The following OSBP2 variants were observed in gnomAD, a reference collection of about 807,000 sequenced individuals.
OSBP2 encodes the protein oxysterol-binding protein 2.
In OSBP2, 66 loss-of-function variants were observed where a neutral mutation model predicts 96.0. The observed-to-expected ratio is 0.69, with a 90% confidence interval of 0.56 to 0.84. The LOEUF is 0.84. Ranked by LOEUF, OSBP2 falls within the 40% of genes least tolerant of loss-of-function variation. The pLI, the probability that OSBP2 is intolerant of heterozygous loss-of-function variation, is 0.00. For synonymous variants in OSBP2, 525 were observed against 520.9 expected (o/e 1.01, Z -0.11); for missense variants, 1,038 against 1,222.7 (o/e 0.85, Z 2.25).
intron 3 of OSBP2, among the ~76,000 whole-genome samples, chr22:30,879,496 G>A (rs1263732559): frequency 1.3e-5 from 2 of 152,246 alleles, no homozygotes; most frequent in African/African-American, 2.4e-5. Context: ...GGGAAGGGCT[G>A]AAACCCCTGT....
intron 1 of OSBP2, among the ~76,000 whole-genome samples, chr22:30,710,797 G>C (rs1329240324): frequency 6.6e-6 from 1 of 152,154 alleles, no homozygotes; most frequent in South Asian, 2.1e-4. Flanking sequence ...TTTTAGTAGA[G>C]ATGGGGTTTC....
Position 30,751,343 on chromosome 22 carries a change from G to GTA in OSBP2, c.853+9986_853+9987dup, listed in dbSNP as rs200228084. On this transcript the variant is annotated intron_variant, in intron 2 of 13. Transcript: ENST00000332585. ...GTTGTGTGTGTGTGTATATATATAT[G>GTA]TATATATATATATTTTTTTCTTTTT... 1.9e-4 allele frequency among the ~76,000 whole-genome samples: 29 copies of GTA among 150,946 alleles called. No individual in the cohort carries two copies. The East Asian group carries it at 4.1e-3, about 21-fold the overall frequency.
intron 1 of OSBP2, among the ~76,000 whole-genome samples, chr22:30,723,475 G>A (rs1033162192): frequency 4.0e-5 from 6 of 149,990 alleles, no homozygotes; most frequent in Non-Finnish European, 7.4e-5. Context: ...GTGCAGTGGC[G>A]TGATCTCGGC....
At chr22:30,858,879 C>CAATAATAATAAT (rs137975802) in intron 2 of OSBP2, among the ~76,000 whole-genome samples, 2,857 of 141,398 alleles carry the variant, frequency 0.02, 84 homozygotes, top group African/African-American at 0.061. Context: ...GACTCTGTCT[C>CAATAATAATAAT]AATAATAATA....
At chr22:30,826,791 G>T (rs1000412029) in intron 2 of OSBP2, among the ~76,000 whole-genome samples, 2 of 152,186 alleles carry the variant, frequency 1.3e-5, no homozygotes, top group Admixed American at 1.3e-4. Context: ...TTTTCTCTCT[G>T]GTTGGGGGCC....
chr22:30,818,902 G>A (rs549187989), intron 2 of OSBP2, among the ~76,000 whole-genome samples: 30 of 152,346 alleles, frequency 2.0e-4, no homozygotes, highest in Non-Finnish European at 3.7e-4. Context: ...TAGGAGTTTG[G>A]AGGGTTGCAG....
At chr22:30,698,437 C>G (rs1007838143) in intron 1 of OSBP2, among the ~76,000 whole-genome samples, 1 of 149,278 alleles carries the variant, frequency 6.7e-6, no homozygotes, top group Admixed American at 6.7e-5. Context: ...TTTAATTTTT[C>G]TTTTTCTTTT....
chr22:30,889,264 G>A, intron 6 of OSBP2, 30 bp downstream of exon 6: 1 of 1,603,822 alleles, frequency 6.2e-7, no homozygotes, highest in Non-Finnish European at 8.5e-7. Context: ...GTAAGGGCCA[G>A]AAGGCAGCTT....
At chr22:30,788,187 T>C (rs2090621563) in intron 2 of OSBP2, among the ~76,000 whole-genome samples, 1 of 152,078 alleles carries the variant, frequency 6.6e-6, no homozygotes, top group Non-Finnish European at 1.5e-5. Flanking sequence ...CAAGTGACAG[T>C]GATGGTGATG....
At chr22:30,874,410 C>CA (rs368141289) in intron 3 of OSBP2, among the ~76,000 whole-genome samples, 42 of 147,780 alleles carry the variant, frequency 2.8e-4, no homozygotes, top group African/African-American at 5.0e-4. Flanking sequence ...GACTCTGTCT[C>CA]AAAAAAAAAG....
At chr22:30,780,800 C>A (rs1326922134) in intron 2 of OSBP2, among the ~76,000 whole-genome samples, 1 of 151,910 alleles carries the variant, frequency 6.6e-6, no homozygotes, top group East Asian at 1.9e-4. Context: ...ACCTGGCCTA[C>A]AACTAAACTG....
At chr22:30,779,035 CAA>C (rs71688104) in intron 2 of OSBP2, among the ~76,000 whole-genome samples, 5 of 136,464 alleles carry the variant, frequency 3.7e-5, no homozygotes, top group East Asian at 2.2e-4. Flanking sequence ...GACTCCATCT[CAA>C]AAAAAAAAAA....
At position 30,902,530 on chromosome 22, in the gene OSBP2, G is replaced by A. The variant is rs1469548859; in HGVS notation, c.2376-3307G>A. ...AGCTTCAGGGATGACTTCTTAGGAGGCAGGGGAGGTAGTCACCCAGGTGAC... is the reference window on the plus strand; with the variant it reads ...AGCTTCAGGGATGACTTCTTAGGAGACAGGGGAGGTAGTCACCCAGGTGAC... On this transcript the variant is annotated intron_variant, in intron 12 of 13. Coordinates refer to ENST00000332585, the MANE Select transcript of OSBP2 (RefSeq NM_030758.4). The A allele has an allele frequency of 4.9e-6, 7 of 1,421,578 alleles. No homozygotes were observed. The Admixed American group carries it at 5.1e-5, about 10-fold the overall frequency. The allele number at this position is 1,421,578 out of a possible 1,614,324, so 88.1% of individuals were successfully genotyped here.
At chr22:30,824,166 C>T (rs2038344829) in intron 2 of OSBP2, among the ~76,000 whole-genome samples, 1 of 152,166 alleles carries the variant, frequency 6.6e-6, no homozygotes, top group African/African-American at 2.4e-5. Context: ...GACGGGGTGA[C>T]CTTTTTGACG....
At chr22:30,882,232 G>T (rs2039718343) in intron 3 of OSBP2, among the ~76,000 whole-genome samples, 1 of 152,208 alleles carries the variant, frequency 6.6e-6, no homozygotes, top group African/African-American at 2.4e-5. Flanking sequence ...GTTATTCCCA[G>T]GCAGCCTGGT....
At chr22:30,812,814 AG>A (rs136244) in intron 2 of OSBP2, among the ~76,000 whole-genome samples, 14,615 of 152,212 alleles carry the variant, frequency 0.096, 870 homozygotes, top group Non-Finnish European at 0.14. Flanking sequence ...GTGAATGAAA[AG>A]GCATTTCCTT....
At chr22:30,800,271 G>A (rs2052954199) in intron 2 of OSBP2, among the ~76,000 whole-genome samples, 1 of 152,134 alleles carries the variant, frequency 6.6e-6, no homozygotes, top group South Asian at 2.1e-4. Context: ...TACGAGAGGG[G>A]GCAGGGACCC....
intron 1 of OSBP2, among the ~76,000 whole-genome samples, chr22:30,709,731 C>T (rs1038588189): frequency 2.0e-5 from 3 of 151,722 alleles, no homozygotes; most frequent in Non-Finnish European, 4.4e-5. Flanking sequence ...GACATGGGGT[C>T]TTGCTGTGTC....
At chr22:30,783,536 G>A (rs1266323095) in intron 2 of OSBP2, among the ~76,000 whole-genome samples, 1 of 151,896 alleles carries the variant, frequency 6.6e-6, no homozygotes, top group Non-Finnish European at 1.5e-5. Flanking sequence ...TGGCCAGGCT[G>A]GTCTCGAATT....
Sources: gnomAD v4.1 joint callset for allele counts (sites outside exome capture counted in the v4.1 genomes callset) on GRCh38, gnomAD v4.1.1 for gene constraint, MANE v1.5 for transcripts, NCBI Gene and HGNC (gene_info 2026-07-23, HGNC 2026-07-21) for gene names.